Variants in COLEC12 observed in about 807,000 individuals in gnomAD.
COLEC12 encodes the protein collectin-12.
A neutral mutation model predicts 71.1 loss-of-function variants in COLEC12; 33 were observed. That is an observed-to-expected ratio of 0.46 (90% CI 0.35 to 0.62). The LOEUF is 0.62. Ranked by LOEUF, COLEC12 falls within the 20% of genes least tolerant of loss-of-function variation. The pLI, the probability that COLEC12 is intolerant of heterozygous loss-of-function variation, is 0.00. For missense variants in COLEC12, 765 were observed against 916.1 expected, an observed-to-expected ratio of 0.84 and a Z score of 2.13; for synonymous variants, 350 against 353.0, an observed-to-expected ratio of 0.99 and a Z score of 0.10.
chr18:336,786 A>C (rs1914128083), intron 5 of COLEC12, among the ~76,000 whole-genome samples: 1 of 152,156 alleles, frequency 6.6e-6, no homozygotes, highest in African/African-American at 2.4e-5. Flanking sequence ...AGAGTTTCTG[A>C]AATCTCACAA....
At position 411,487 on chromosome 18, in the gene COLEC12, G is replaced by GA. The variant is rs1032615057; in HGVS notation, c.59-53966dup. 2.9e-4 allele frequency among the ~76,000 whole-genome samples: 44 copies of GA among 151,354 alleles called. No homozygotes were observed. The East Asian group carries it at 8.1e-3, about 28-fold the overall frequency. On this transcript the variant is annotated intron_variant, in intron 2 of 9. Coordinates refer to ENST00000400256, the MANE Select transcript of COLEC12 (RefSeq NM_130386.3). ...ATTATTAATATGTTTCAAACAAAGA[G>GA]AAAAAAAAGCCTTGGAAAAGAAACT...
intron 2 of COLEC12, among the ~76,000 whole-genome samples, chr18:455,433 A>G (rs1441652992): frequency 5.3e-5 from 8 of 152,058 alleles, no homozygotes; most frequent in African/African-American, 1.7e-4. Flanking sequence ...GCCCGCCACC[A>G]TGCCTGGCTA....
intron 8 of COLEC12, among the ~76,000 whole-genome samples, chr18:323,077 T>A (rs768959173): frequency 3.3e-5 from 5 of 152,098 alleles, no homozygotes; most frequent in Admixed American, 6.5e-5. Flanking sequence ...ATACAAAAAT[T>A]AGCTGGGCAT....
intron 3 of COLEC12, among the ~76,000 whole-genome samples, chr18:356,904 T>C (rs1335940759): frequency 6.6e-6 from 1 of 152,160 alleles, no homozygotes; most frequent in African/African-American, 2.4e-5. Context: ...AGTATTTTTA[T>C]AGAGCTATAT....
chr18:498,667 A>T (rs2143802353), intron 1 of COLEC12, among the ~76,000 whole-genome samples: 1 of 151,950 alleles, frequency 6.6e-6, no homozygotes, highest in Non-Finnish European at 1.5e-5. Context: ...CCGCTGGAAT[A>T]TTTTCGTTTT....
chr18:376,685 G>A (rs920618924), intron 2 of COLEC12, among the ~76,000 whole-genome samples: 3 of 152,200 alleles, frequency 2.0e-5, no homozygotes, highest in African/African-American at 4.8e-5. Flanking sequence ...AGAGCAGAAA[G>A]AGCTTTGGAA....
intron 2 of COLEC12, among the ~76,000 whole-genome samples, chr18:475,036 T>C (rs1033167448): frequency 5.3e-5 from 8 of 151,910 alleles, no homozygotes; most frequent in East Asian, 3.9e-4. Context: ...ATCGCGCCAC[T>C]GCACTCCAGC....
chr18:391,778 A>AT (rs1915469044), intron 2 of COLEC12, among the ~76,000 whole-genome samples: 1 of 152,162 alleles, frequency 6.6e-6, no homozygotes, highest in Non-Finnish European at 1.5e-5. Flanking sequence ...GGCAATAGTT[A>AT]TTTTTACTTA....
At chr18:358,980 T>C (rs1014875125) in intron 2 of COLEC12, among the ~76,000 whole-genome samples, 1 of 152,214 alleles carries the variant, frequency 6.6e-6, no homozygotes, top group South Asian at 2.1e-4. Context: ...TCAAATCAAA[T>C]TCCATTATGA....
chr18:436,594 A>G (rs1287914807), intron 2 of COLEC12, among the ~76,000 whole-genome samples: 1 of 148,860 alleles, frequency 6.7e-6, no homozygotes, highest in Non-Finnish European at 1.5e-5. Context: ...ATAAAGGTAG[A>G]TTTGGTGTAG....
At chr18:379,776 T>C (rs1915191798) in intron 2 of COLEC12, among the ~76,000 whole-genome samples, 1 of 152,150 alleles carries the variant, frequency 6.6e-6, no homozygotes. Context: ...AAGGTGGTGA[T>C]GCAAAGGTCA....
chr18:500,194 G>GT lies in COLEC12; in HGVS notation c.7+313dup, dbSNP rs910094597. Reference sequence around the variant, plus strand: ...GCGATGCCTCCACTCTCCTCGGCAGGTTTTTTCAATTAAAAAGTTGGAAAC... The same window carrying GT: ...GCGATGCCTCCACTCTCCTCGGCAGGTTTTTTTCAATTAAAAAGTTGGAAAC... On this transcript the variant is annotated intron_variant, in intron 1 of 9. Coordinates refer to ENST00000400256, the MANE Select transcript of COLEC12 (RefSeq NM_130386.3). This position sits in a 1 kb window ranked among gnomAD's most constrained non-coding sequence, Gnocchi z 5.3. Among the ~76,000 whole-genome samples the GT allele has an allele frequency of 6.6e-6, 1 of 152,184 alleles. No individual in the cohort carries two copies. The highest frequency in any genetic ancestry group is 1.5e-5 in the Non-Finnish European group (1 of 68,020).
At chr18:389,379 A>C (rs2143584118) in intron 2 of COLEC12, among the ~76,000 whole-genome samples, 1 of 151,912 alleles carries the variant, frequency 6.6e-6, no homozygotes, top group South Asian at 2.1e-4. Context: ...CCCAGGTTCA[A>C]GTCATTCTCC....
intron 2 of COLEC12, among the ~76,000 whole-genome samples, chr18:418,871 T>C (rs1448818158): frequency 2.0e-5 from 3 of 152,234 alleles, no homozygotes; most frequent in Non-Finnish European, 2.9e-5. Flanking sequence ...TTCATTCCTT[T>C]ACTTTCTTAA....
intron 2 of COLEC12, among the ~76,000 whole-genome samples, chr18:415,041 T>C (rs1915960655): frequency 6.6e-6 from 1 of 152,190 alleles, no homozygotes; most frequent in Non-Finnish European, 1.5e-5. Flanking sequence ...TTTTCAAAGG[T>C]TACATTCAAA....
intron 2 of COLEC12, among the ~76,000 whole-genome samples, chr18:442,893 G>A (rs1400453848): frequency 6.6e-6 from 1 of 152,180 alleles, no homozygotes; most frequent in Non-Finnish European, 1.5e-5. Context: ...CCCGGGAGGT[G>A]GAGCTTGCAG....
intron 2 of COLEC12, among the ~76,000 whole-genome samples, chr18:410,318 A>G (rs1391991175): frequency 6.6e-6 from 1 of 152,232 alleles, no homozygotes; most frequent in African/African-American, 2.4e-5. Context: ...TTCTCCTGCC[A>G]AGTATAACTA....
chr18:416,110 C>T (rs1468574092), intron 2 of COLEC12, among the ~76,000 whole-genome samples: 1 of 152,144 alleles, frequency 6.6e-6, no homozygotes, highest in African/African-American at 2.4e-5. Flanking sequence ...AACTTTTAAA[C>T]CTCTTTGTCT....
chr18:437,411 A>C (rs1003434713), intron 2 of COLEC12, among the ~76,000 whole-genome samples: 5 of 151,954 alleles, frequency 3.3e-5, no homozygotes, highest in African/African-American at 1.2e-4. Context: ...GCCCACTGTG[A>C]CCTGTCCCAT....
Sources: gnomAD v4.1 joint callset for allele counts (sites outside exome capture counted in the v4.1 genomes callset) on GRCh38, gnomAD v4.1.1 for gene constraint, Gnocchi (gnomAD v3.1) non-coding constraint, MANE v1.5 for transcripts, NCBI Gene and HGNC (gene_info 2026-07-23, HGNC 2026-07-21) for gene names.